Variants in GTPBP4 observed in about 807,000 individuals in gnomAD.
GTPBP4 encodes GTP-binding protein 4.
Under a neutral mutation model 81.7 loss-of-function variants are expected in GTPBP4, and 15 were observed. That is an observed-to-expected ratio of 0.18 (90% CI 0.12 to 0.28). The LOEUF is 0.28. Among genes scored for constraint, GTPBP4 ranks in the 10% least tolerant of loss-of-function variants. GTPBP4 has a pLI of 1.00. For missense variants in GTPBP4, 847 were observed against 793.8 expected (o/e 1.07, Z -0.81); for synonymous variants, 272 against 274.6 (o/e 0.99, Z 0.09).
Position 1,018,422 on chromosome 10 carries a change from T to TC in GTPBP4, c.*1195_*1196insC, listed in dbSNP as rs1832027533. The TC allele has an allele frequency of 7.2e-6, 1 of 139,606 alleles. No homozygotes were observed. The highest frequency in any genetic ancestry group is 2.9e-5 in the African/African-American group (1 of 34,656). 8.6% of individuals were successfully genotyped at this position (139,606 alleles called of 1,614,324 possible). A position where few individuals can be genotyped will look rare whatever the true frequency, so the allele number is the denominator to read the frequency against. On this transcript the variant is annotated 3_prime_UTR_variant, in exon 17 of 17. Coordinates refer to ENST00000360803, the MANE Select transcript of GTPBP4 (RefSeq NM_012341.3). The stretch of plus-strand genomic sequence containing the variant: ...CTGGGTGACAGAGAGAGACTCCGTG[T>TC]GAAAAAAAAAAAAAAAATACCAGGT...
At position 998,989 on chromosome 10, in the gene GTPBP4, C is replaced by T. The variant is rs745824292; in HGVS notation, c.562-14C>T. The stretch of plus-strand genomic sequence containing the variant: ...AGGAAATGAGGTGATTCTGAAAGTT[C>T]TCACTTGTTCCAGGTGACGAGAGCA... On this transcript the variant is annotated splice_polypyrimidine_tract_variant and intron_variant, in intron 5 of 16. Coordinates refer to ENST00000360803, the MANE Select transcript of GTPBP4 (RefSeq NM_012341.3). 3 of 1,467,486 alleles carry T rather than the reference C, an allele frequency of 2.0e-6. No individual in the cohort carries two copies. The highest frequency in any genetic ancestry group is 1.1e-5 in the South Asian group (1 of 88,146). 90.9% of individuals were successfully genotyped at this position (1,467,486 alleles called of 1,614,324 possible). A position where few individuals can be genotyped will look rare whatever the true frequency, so the allele number is the denominator to read the frequency against.
chr10:1,012,964 T>C (rs1023432462), intron 14 of GTPBP4, among the ~76,000 whole-genome samples: 1 of 152,164 alleles, frequency 6.6e-6, no homozygotes, highest in African/African-American at 2.4e-5. Context: ...AGTGAACATT[T>C]TCCTCTTCTT....
chr10:1,016,939 A>G (rs1249132405), intron 16 of GTPBP4, 136 bp from the exon 17 acceptor site: 1 of 628,968 alleles, frequency 1.6e-6, no homozygotes, highest in Non-Finnish European at 2.8e-6. Flanking sequence ...TGGGCTTAAG[A>G]GAAAAGAGAT....
intron 11 of GTPBP4, 97 bp downstream of exon 11, chr10:1,009,132 T>G (rs1589029652): frequency 2.3e-6 from 2 of 863,114 alleles, no homozygotes; most frequent in Non-Finnish European, 3.8e-6. Context: ...GAGCCGCGGG[T>G]GCCCAGACAC....
At chr10:1,003,236 C>A (rs1352277035) in intron 8 of GTPBP4, among the ~76,000 whole-genome samples, 4 of 152,130 alleles carry the variant, frequency 2.6e-5, no homozygotes, top group African/African-American at 9.7e-5. Context: ...TACAGGATTT[C>A]TGTTTGACTC....
At chr10:1,006,035 G>A (rs1444300557) in intron 9 of GTPBP4, 128 bp downstream of exon 9, 24 of 599,740 alleles carry the variant, frequency 4.0e-5, no homozygotes, top group Middle Eastern at 2.8e-4. Flanking sequence ...GTAGCGAGGC[G>A]GGTGGCGTGC....
At chr10:1,010,251 G>A (rs1367042746) in intron 12 of GTPBP4, among the ~76,000 whole-genome samples, 169 bp from the exon 13 acceptor site, 2 of 151,942 alleles carry the variant, frequency 1.3e-5, no homozygotes, top group Non-Finnish European at 2.9e-5. Flanking sequence ...CCACGTGTGG[G>A]TGTTGAATGA....
intron 2 of GTPBP4, among the ~76,000 whole-genome samples, chr10:994,189 G>A (rs1831498342): frequency 6.6e-6 from 1 of 152,214 alleles, no homozygotes; most frequent in African/African-American, 2.4e-5. Context: ...ATGAGTGAAT[G>A]GTTTCTTGGG....
In GTPBP4 at chr10:1,009,171, T is replaced by A. The variant is rs566141155; in HGVS notation, c.1191+136T>A. On this transcript the variant is annotated intron_variant, in intron 11 of 16. Coordinates refer to ENST00000360803, the MANE Select transcript of GTPBP4 (RefSeq NM_012341.3). ...CCCCGTCAGGCTGCGGACACAGCAGTGAGTCCCCCTGCAGAAGCCTCTCTC... is the reference window on the plus strand; with the variant it reads ...CCCCGTCAGGCTGCGGACACAGCAGAGAGTCCCCCTGCAGAAGCCTCTCTC... 9.3e-6 allele frequency: 6 copies of A among 646,078 alleles called. No individual in the cohort carries two copies. In the South Asian group the frequency reaches 1.1e-4, roughly 12 times the overall value. The allele number at this position is 646,078 out of a possible 1,614,324, so 40.0% of individuals were successfully genotyped here.
At chr10:999,526 A>T (rs1381616486) in intron 6 of GTPBP4, among the ~76,000 whole-genome samples, 1 of 152,250 alleles carries the variant, frequency 6.6e-6, no homozygotes, top group African/African-American at 2.4e-5. Flanking sequence ...ATGCATAAGA[A>T]CAGGTCGCAT....
At chr10:996,460 TTTAA>T (rs1238688172) in intron 4 of GTPBP4, 3 of 369,134 alleles carry the variant, frequency 8.1e-6, no homozygotes, top group African/African-American at 6.2e-5. Flanking sequence ...ATATTTCATA[TTTAA>T]TAGGTAAGGC....
chr10:1,015,343 C>T (rs1434701672), intron 15 of GTPBP4, among the ~76,000 whole-genome samples: 3 of 144,482 alleles, frequency 2.1e-5, no homozygotes, highest in Non-Finnish European at 4.6e-5. Context: ...GACCTCATGC[C>T]TGTCGCTGAG....
At chr10:1,000,323 C>T (rs375284260) in intron 6 of GTPBP4, among the ~76,000 whole-genome samples, 1 of 149,020 alleles carries the variant, frequency 6.7e-6, no homozygotes, top group Non-Finnish European at 1.5e-5. Flanking sequence ...CTGCAAGCTC[C>T]GCCTCCCTGG....
intron 8 of GTPBP4, among the ~76,000 whole-genome samples, chr10:1,003,115 T>C (rs1831667353): frequency 6.6e-6 from 1 of 150,744 alleles, no homozygotes; most frequent in African/African-American, 2.4e-5. Context: ...TTCTTCCTGC[T>C]TTTTTTCTCT....
chr10:990,813 A>G (rs1028163206), intron 1 of GTPBP4, among the ~76,000 whole-genome samples: 1 of 149,284 alleles, frequency 6.7e-6, no homozygotes, highest in Non-Finnish European at 1.5e-5. Context: ...GAGGACACAC[A>G]TGGATTGGGA....
rs1831463116 is a variant in GTPBP4 at position 992,496 on chromosome 10, T to C, written c.56T>C (p.Ile19Thr). 2 of 1,592,154 alleles carry C rather than the reference T, an allele frequency of 1.3e-6. No individual in the cohort carries two copies. The highest frequency in any genetic ancestry group is 1.7e-6 in the Non-Finnish European group (2 of 1,160,774). ...ITVVPSAKDF[I>T]DLTLSKTQRK... is the part of the protein sequence containing the mutation. ...TATTTTCTTTAATTGCAGGACTTCA[T>C]AGACCTCACGTTGTCGAAGACTCAA... Residue 19 changes from isoleucine (I) to threonine (T), a missense_variant, in exon 2 of 17, where the codon ATA becomes ACA. By Grantham distance (89) the Ile-to-Thr change is moderately conservative. Around this residue, in one of 3 missense-constraint regions of GTPBP4, gnomAD observed 241 missense variants for 216.3 expected, o/e 1.11. Transcript: ENST00000360803.
intron 12 of GTPBP4, among the ~76,000 whole-genome samples, chr10:1,010,203 G>A (rs900264881): frequency 2.4e-5 from 2 of 83,512 alleles, no homozygotes; most frequent in African/African-American, 3.3e-5. Context: ...GTTGTTTCCT[G>A]TTGTTTTGGG....
chr10:1,008,420 C>A (rs1031439089), intron 10 of GTPBP4: 2 of 343,324 alleles, frequency 5.8e-6, no homozygotes, highest in African/African-American at 2.2e-5. Context: ...AAAAAATTAT[C>A]TTTTATACTA....
Position 1,019,505 on chromosome 10 carries a change from C to G in GTPBP4, c.*2278C>G. ...AGGGCATTACACATGGCTGACTCGA[C>G]CTCCCTGCCTCTCACACTCTGTGTA... is the stretch of plus-strand genomic sequence containing the variant. On this transcript the variant is annotated 3_prime_UTR_variant, in exon 17 of 17. Transcript: ENST00000360803. 6.2e-7 allele frequency: 1 copy of G among 1,603,880 alleles called. No individual in the cohort carries two copies. The highest frequency in any genetic ancestry group is 2.2e-5 in the East Asian group (1 of 44,624).
Sources: allele counts gnomAD v4.1 joint callset (sites outside exome capture counted in the v4.1 genomes callset), GRCh38; gene constraint gnomAD v4.1.1; regional missense constraint gnomAD v4.1.1; transcripts MANE v1.5; gene names NCBI Gene and HGNC (gene_info 2026-07-23, HGNC 2026-07-21).